Variants in CHRM3 observed in about 807,000 individuals in gnomAD.
CHRM3 encodes the protein muscarinic acetylcholine receptor M3.
In CHRM3, 11 loss-of-function variants were observed where a neutral mutation model predicts 41.8. The observed-to-expected ratio is 0.26, with a 90% confidence interval of 0.17 to 0.44. The LOEUF (loss-of-function observed/expected upper bound fraction) is 0.44, where lower values mean the gene tolerates loss of function less well. CHRM3 is among the 20% of genes least tolerant of loss of function. CHRM3 has a pLI of 1.00. For synonymous variants in CHRM3, 297 were observed against 301.4 expected (o/e 0.99, Z 0.15); for missense variants, 571 against 745.4 (o/e 0.77, Z 2.72).
chr1:239,712,768 A>T (rs900319644), intron 5 of CHRM3, among the ~76,000 whole-genome samples: 1 of 152,196 alleles, frequency 6.6e-6, no homozygotes, highest in Non-Finnish European at 1.5e-5. Context: ...CCAATGTTTC[A>T]TCATGGACAA....
intron 1 of CHRM3, among the ~76,000 whole-genome samples, chr1:239,492,060 A>G (rs1221763946): frequency 6.6e-6 from 1 of 152,178 alleles, no homozygotes; most frequent in South Asian, 2.1e-4. Flanking sequence ...CCATGGGGAA[A>G]CTAACTCTCA....
chr1:239,548,348 C>G (rs2148425357), intron 3 of CHRM3, among the ~76,000 whole-genome samples: 1 of 152,278 alleles, frequency 6.6e-6, no homozygotes, highest in East Asian at 1.9e-4. Context: ...AAGTCTTATT[C>G]CCTCACTTCT....
At chr1:239,887,430 A>G (rs967288905) in intron 6 of CHRM3, among the ~76,000 whole-genome samples, 10 of 152,068 alleles carry the variant, frequency 6.6e-5, no homozygotes, top group African/African-American at 1.4e-4. Flanking sequence ...TCAAACTCCT[A>G]ACCTCAAGTG....
chr1:239,799,436 G>C (rs1302944020), intron 5 of CHRM3, among the ~76,000 whole-genome samples: 1 of 152,152 alleles, frequency 6.6e-6, no homozygotes, highest in Non-Finnish European at 1.5e-5. Flanking sequence ...CGAACACGCT[G>C]TTTTCGCTCC....
Position 239,639,559 on chromosome 1 carries a change from CTGTT to C in CHRM3, c.-250+7277_-250+7280del, listed in dbSNP as rs772045558. Among the ~76,000 whole-genome samples the C allele has an allele frequency of 1.4e-3, 213 of 151,946 alleles. 1 individual carries two copies. Among genetic ancestry groups the C allele is most frequent in the Middle Eastern group, 0.014 (4 of 292 alleles). ...AGGAGTTCACTCATGATTTGGCTCT[CTGTT>C]TGTCTGTTATTGGTGTATAAGAATG... On this transcript the variant is annotated intron_variant, in intron 4 of 6. Coordinates refer to ENST00000676153, the MANE Select transcript of CHRM3 (RefSeq NM_001375978.1).
intron 6 of CHRM3, among the ~76,000 whole-genome samples, chr1:239,904,511 G>C (rs1679820624): frequency 6.6e-6 from 1 of 152,140 alleles, no homozygotes. Context: ...GCAGTAAACT[G>C]GTATCTGGAT....
chr1:239,588,052 C>T (rs1339635959), intron 3 of CHRM3, among the ~76,000 whole-genome samples: 1 of 152,172 alleles, frequency 6.6e-6, no homozygotes, highest in Non-Finnish European at 1.5e-5. Flanking sequence ...TCTCCTAATT[C>T]AAAGCATGTA....
At chr1:239,638,910 G>A (rs1364280946) in intron 4 of CHRM3, among the ~76,000 whole-genome samples, 2 of 152,178 alleles carry the variant, frequency 1.3e-5, no homozygotes, top group African/African-American at 4.8e-5. Flanking sequence ...TAACATTTAA[G>A]TCTTTAATCC....
chr1:239,449,809 G>T (rs1322450312), intron 1 of CHRM3, among the ~76,000 whole-genome samples: 2 of 151,834 alleles, frequency 1.3e-5, no homozygotes, highest in African/African-American at 4.8e-5. Context: ...TAGAGGCAGT[G>T]TAACAAAGTG....
At chr1:239,579,415 A>G (rs1662664111) in intron 3 of CHRM3, among the ~76,000 whole-genome samples, 1 of 152,174 alleles carries the variant, frequency 6.6e-6, no homozygotes, top group African/African-American at 2.4e-5. Context: ...AAACTGTAAC[A>G]GCATGTGTCA....
At chr1:239,542,512 G>T (rs1015863197) in intron 2 of CHRM3, among the ~76,000 whole-genome samples, 2 of 152,230 alleles carry the variant, frequency 1.3e-5, no homozygotes, top group Non-Finnish European at 1.5e-5. Context: ...TAAATCTTGC[G>T]TACCTCCCAT....
intron 1 of CHRM3, among the ~76,000 whole-genome samples, chr1:239,422,124 CT>C (rs1662001223): frequency 6.6e-6 from 1 of 152,164 alleles, no homozygotes; most frequent in Non-Finnish European, 1.5e-5. Context: ...GTTTATCTTT[CT>C]TTTATATTTT....
At chr1:239,535,446 C>G (rs1299642230) in intron 2 of CHRM3, among the ~76,000 whole-genome samples, 1 of 149,884 alleles carries the variant, frequency 6.7e-6, no homozygotes, top group Non-Finnish European at 1.5e-5. Context: ...CCAAGTCTTA[C>G]TTAAGATGCC....
At chr1:239,632,750 T>G (rs1409117629) in intron 4 of CHRM3, among the ~76,000 whole-genome samples, 1 of 152,312 alleles carries the variant, frequency 6.6e-6, no homozygotes, top group African/African-American at 2.4e-5. Flanking sequence ...CTTTCTTAGA[T>G]GTTATCCTTA....
intron 4 of CHRM3, among the ~76,000 whole-genome samples, chr1:239,654,506 C>A (rs1243219729): frequency 6.6e-6 from 1 of 152,212 alleles, no homozygotes; most frequent in East Asian, 1.9e-4. Context: ...TCAAGTGATT[C>A]TTCTGCCTCA....
At chr1:239,856,884 G>C (rs1390335285) in intron 6 of CHRM3, among the ~76,000 whole-genome samples, 1 of 152,146 alleles carries the variant, frequency 6.6e-6, no homozygotes, top group Non-Finnish European at 1.5e-5. Flanking sequence ...ACTTGAGTGG[G>C]ATTTTGCAAA....
intron 5 of CHRM3, among the ~76,000 whole-genome samples, chr1:239,784,610 C>T (rs1485342768): frequency 3.3e-5 from 5 of 152,068 alleles, no homozygotes; most frequent in Admixed American, 6.5e-5. Flanking sequence ...ATTAATACGT[C>T]GTTACAATTA....
Position 239,907,653 on chromosome 1 carries a change from G to T in CHRM3, c.202G>T (p.Val68Leu). The part of the protein sequence containing the change: ...DPLGGHTVWQ[V>L]VFIAFLTGIL... ...TCTGGGAGGTCATACCGTCTGGCAAGTGGTCTTCATCGCTTTCTTAACGGG... is the reference window on the plus strand; with the variant it reads ...TCTGGGAGGTCATACCGTCTGGCAATTGGTCTTCATCGCTTTCTTAACGGG... Residue 68 changes from valine to leucine, a missense_variant, in exon 7 of 7, where the codon GTG (valine) becomes TTG (leucine). Val to Leu is a conservative substitution (Grantham distance 32). Around this residue, in one of 5 missense-constraint regions of CHRM3, gnomAD observed 153 missense variants for 296.3 expected, o/e 0.52. Transcript: ENST00000676153. The surrounding 1 kb of genome is among the most constrained non-coding windows in gnomAD (Gnocchi z 5.4). 1 of 1,614,190 alleles carries T rather than the reference G, an allele frequency of 6.2e-7. No individual in the cohort carries two copies. The highest frequency in any genetic ancestry group is 8.5e-7 in the Non-Finnish European group (1 of 1,180,038).
At chr1:239,555,027 C>T (rs1660230309) in intron 3 of CHRM3, among the ~76,000 whole-genome samples, 1 of 151,844 alleles carries the variant, frequency 6.6e-6, no homozygotes, top group Admixed American at 6.6e-5. Flanking sequence ...CGCTCCCAGC[C>T]CTGGTTTATG....
Sources: allele counts gnomAD v4.1 joint callset (sites outside exome capture counted in the v4.1 genomes callset), GRCh38; gene constraint gnomAD v4.1.1; regional missense constraint gnomAD v4.1.1; non-coding constraint Gnocchi (gnomAD v3.1); transcripts MANE v1.5; gene names NCBI Gene and HGNC (gene_info 2026-07-23, HGNC 2026-07-21).